Variants in DNAAF5 observed in about 807,000 individuals in gnomAD.
The protein encoded by DNAAF5 is HEAT repeat containing 2.
In DNAAF5, 64 loss-of-function variants were observed where a neutral mutation model predicts 75.8. That is an observed-to-expected ratio of 0.84 (90% confidence interval 0.69 to 1.04). The LOEUF is 1.04. Ranked by LOEUF, DNAAF5 falls within the 50% of genes least tolerant of loss-of-function variation. The pLI is 0.00. For missense variants in DNAAF5, 1,269 were observed against 1,178.5 expected, an observed-to-expected ratio of 1.08 and a Z score of -1.12; for synonymous variants, 657 against 557.2, an observed-to-expected ratio of 1.18 and a Z score of -2.52.
chr7:756,800 C>T lies in DNAAF5; in HGVS notation c.1276C>T (p.Leu426Phe). ...CTCGCAGTGTACCAGATCCGCAGAGCTCGTCGGGACGTTTGTCAGCCCTGA... is the reference window on the plus strand; with the variant it reads ...CTCGCAGTGTACCAGATCCGCAGAGTTCGTCGGGACGTTTGTCAGCCCTGA... ...VVQSCTRSAE[L>F]VGTFVSPEVF... Residue 426 changes from leucine to phenylalanine, a missense_variant, in exon 6 of 13, where the codon CTC becomes TTC. By Grantham distance (22) the Leu-to-Phe change is conservative. Transcript: ENST00000297440. 1.2e-6 allele frequency: 2 copies of T among 1,613,878 alleles called. No individual in the cohort carries two copies. Among genetic ancestry groups the T allele is most frequent in the Non-Finnish European group, 1.7e-6 (2 of 1,179,992 alleles).
chr7:729,087 C>G (rs1781472528), intron 1 of DNAAF5, among the ~76,000 whole-genome samples: 1 of 151,524 alleles, frequency 6.6e-6, no homozygotes, highest in Admixed American at 6.6e-5. Context: ...ACCTCCGCCT[C>G]CTGAGTTCAA....
At chr7:743,034 T>G (rs1781963857) in intron 4 of DNAAF5, among the ~76,000 whole-genome samples, 1 of 152,178 alleles carries the variant, frequency 6.6e-6, no homozygotes, top group South Asian at 2.1e-4. Context: ...CGGGGTCAGG[T>G]CCTGGAGGGA....
chr7:774,275 C>CA, intron 10 of DNAAF5, 77 bp downstream of exon 10: 3 of 1,435,884 alleles, frequency 2.1e-6, no homozygotes, highest in Non-Finnish European at 2.8e-6. Flanking sequence ...AGAGCTCCCG[C>CA]AGCAGGAACT....
intron 2 of DNAAF5, among the ~76,000 whole-genome samples, chr7:732,763 C>A (rs1389850111): frequency 6.6e-6 from 1 of 152,184 alleles, no homozygotes; most frequent in African/African-American, 2.4e-5. Context: ...ATTTGTGCAG[C>A]TGTTTGCTCC....
chr7:773,569 T>C (rs554837432), intron 9 of DNAAF5, among the ~76,000 whole-genome samples: 3 of 152,286 alleles, frequency 2.0e-5, no homozygotes, highest in African/African-American at 7.2e-5. Flanking sequence ...CCATCCCGCC[T>C]CTGTGAAGCC....
chr7:736,771 TCTTC>T (rs1364152194), intron 2 of DNAAF5, among the ~76,000 whole-genome samples: 2 of 152,194 alleles, frequency 1.3e-5, no homozygotes, highest in Non-Finnish European at 1.5e-5. Flanking sequence ...CGTGGTCTGC[TCTTC>T]CTTCCTTCTT....
chr7:741,416 G>A lies in DNAAF5; in HGVS notation c.975G>A (p.Lys325=), dbSNP rs1294059233. Reference sequence around the variant, plus strand: ...AGAAGGAGAATGAGGAGGACCTGAAGGACAAGCTGGACTTTGCCCCTCCCA... The same window carrying A: ...AGAAGGAGAATGAGGAGGACCTGAAAGACAAGCTGGACTTTGCCCCTCCCA... ...QWQKENEEDL[K]DKLDFAPPTP... Residue 325 remains lysine (K), a synonymous_variant, in exon 4 of 13, where the codon AAG becomes AAA. Coordinates refer to ENST00000297440, the MANE Select transcript of DNAAF5 (RefSeq NM_017802.4). 6.4e-7 allele frequency: 1 copy of A among 1,573,576 alleles called. No individual in the cohort carries two copies. Among genetic ancestry groups the A allele is most frequent in the Non-Finnish European group, 8.6e-7 (1 of 1,159,860 alleles).
intron 12 of DNAAF5, among the ~76,000 whole-genome samples, chr7:780,376 C>T (rs993312699): frequency 1.3e-5 from 2 of 152,216 alleles, no homozygotes; most frequent in Non-Finnish European, 2.9e-5. Context: ...TTCTAGAATA[C>T]TTGTTAGTTG....
chr7:764,295 G>A (rs966386673), intron 8 of DNAAF5, among the ~76,000 whole-genome samples: 12 of 152,226 alleles, frequency 7.9e-5, no homozygotes, highest in Admixed American at 6.5e-4. Context: ...GAATCTAGAT[G>A]TCTAGCCGCA....
At chr7:735,993 C>T (rs1781730785) in intron 2 of DNAAF5, among the ~76,000 whole-genome samples, 1 of 152,106 alleles carries the variant, frequency 6.6e-6, no homozygotes, top group Non-Finnish European at 1.5e-5. Flanking sequence ...TTTAAAATTT[C>T]CTTCTTAATT....
chr7:773,526 C>T (rs888974535), intron 9 of DNAAF5, among the ~76,000 whole-genome samples: 1 of 148,100 alleles, frequency 6.8e-6, no homozygotes, highest in Non-Finnish European at 1.5e-5. Context: ...TGAGCTGTGG[C>T]CCTTGGGTCC....
At chr7:741,255 G>C in intron 3 of DNAAF5, 92 bp from the exon 4 acceptor site, 1 of 919,860 alleles carries the variant, frequency 1.1e-6, no homozygotes, top group East Asian at 2.6e-5. Flanking sequence ...TCACGCAATG[G>C]GGTCTTTGGG....
intron 12 of DNAAF5, among the ~76,000 whole-genome samples, chr7:782,159 CGCGGCGTGGCCGCCTCCCG>C (rs1778973117): frequency 1.3e-5 from 2 of 152,092 alleles, no homozygotes; most frequent in African/African-American, 2.4e-5. Flanking sequence ...CTCGGATCTT[CGCGGCGTGGCCGCCTCCCG>C]ACACGCGGCG....
chr7:781,782 C>T (rs1778954710), intron 12 of DNAAF5, among the ~76,000 whole-genome samples: 1 of 152,218 alleles, frequency 6.6e-6, no homozygotes, highest in Admixed American at 6.5e-5. Context: ...TTTGTCATTT[C>T]CATGCTGTCT....
At chr7:752,221 T>G (rs1375989019) in intron 4 of DNAAF5, among the ~76,000 whole-genome samples, 2 of 152,264 alleles carry the variant, frequency 1.3e-5, no homozygotes, top group African/African-American at 4.8e-5. Flanking sequence ...GAAAGTGAAC[T>G]TGGAGTCAAA....
chr7:748,540 G>C (rs1456524333), intron 4 of DNAAF5, among the ~76,000 whole-genome samples: 2 of 152,144 alleles, frequency 1.3e-5, no homozygotes, highest in East Asian at 3.8e-4. Flanking sequence ...GACTGTTTTA[G>C]GCTCCACAGC....
At chr7:737,600 G>A (rs1005328562) in intron 2 of DNAAF5, among the ~76,000 whole-genome samples, 4 of 152,136 alleles carry the variant, frequency 2.6e-5, no homozygotes, top group African/African-American at 9.7e-5. Context: ...TTTCCTGTAG[G>A]ACAGGTCTGA....
chr7:743,070 A>G (rs1279426212), intron 4 of DNAAF5, among the ~76,000 whole-genome samples: 2 of 152,222 alleles, frequency 1.3e-5, no homozygotes, highest in African/African-American at 4.8e-5. Context: ...ATACAGCATT[A>G]AAGTAGCTTC....
At chr7:732,487 C>T in intron 2 of DNAAF5, 1 of 455,066 alleles carries the variant, frequency 2.2e-6, no homozygotes, top group Admixed American at 2.4e-5. Flanking sequence ...TCGATGTGTG[C>T]TGCTGGTGAG....
Sources: gnomAD v4.1 joint callset for allele counts (sites outside exome capture counted in the v4.1 genomes callset) on GRCh38, gnomAD v4.1.1 for gene constraint, MANE v1.5 for transcripts, NCBI Gene and HGNC (gene_info 2026-07-23, HGNC 2026-07-21) for gene names.